Variants in TSBP1 observed in about 807,000 individuals in gnomAD.
The protein encoded by TSBP1 is testis-expressed basic protein 1.
In TSBP1, 56 loss-of-function variants were observed where a neutral mutation model predicts 68.8. That is an observed-to-expected ratio of 0.81 (90% CI 0.66 to 1.02). The LOEUF (loss-of-function observed/expected upper bound fraction) is 1.02, where lower values mean the gene tolerates loss of function less well. Among genes scored for constraint, TSBP1 ranks in the 50% least tolerant of loss-of-function variants. The probability of loss-of-function intolerance (pLI) is 0.00; values close to 1 mark genes in which losing one functional copy is unlikely to be tolerated. For missense variants in TSBP1, 502 were observed against 641.2 expected (o/e 0.78, Z 2.34); for synonymous variants, 171 against 208.7 (o/e 0.82, Z 1.56).
At chr6:32,323,976 C>A (rs1767930042) in intron 16 of TSBP1, 1 of 255,816 alleles carries the variant, frequency 3.9e-6, no homozygotes, top group Non-Finnish European at 7.5e-6. Context: ...TCTCCTTTTT[C>A]TTTCCCCATT....
chr6:32,324,176 GTTAT>G (rs1767954597), intron 16 of TSBP1, among the ~76,000 whole-genome samples: 2 of 152,220 alleles, frequency 1.3e-5, no homozygotes, highest in East Asian at 3.9e-4. Flanking sequence ...ACTTAAAGTT[GTTAT>G]TTAAAGTTTA....
Position 32,368,793 on chromosome 6 carries a change from C to T in TSBP1, c.122G>A (p.Ser41Asn), listed in dbSNP as rs140156094. ...GTATAAGTACTTACTTTGTTCTGAA[C>T]TGTATCTGGAGATATACATTTCTGT... The change falls in exon 3 of 23, where the codon AGT becomes AAT. Residue 41 changes from serine to asparagine, a missense_variant. Physicochemically the swap from Ser to Asn is conservative, Grantham distance 46. Coordinates refer to ENST00000612031, the Ensembl canonical transcript of TSBP1. 1.9e-6 allele frequency: 3 copies of T among 1,585,966 alleles called. No individual in the cohort carries two copies. In the South Asian group the frequency reaches 3.4e-5, roughly 18 times the overall value.
intron 6 of TSBP1, among the ~76,000 whole-genome samples, chr6:32,356,486 G>A (rs960712768): frequency 9.9e-5 from 15 of 152,112 alleles, no homozygotes; most frequent in African/African-American, 3.4e-4. Flanking sequence ...TTGGGAGGCC[G>A]AAGTGGGTGT....
At chr6:32,354,649 T>C (rs1167008903) in intron 8 of TSBP1, among the ~76,000 whole-genome samples, 3 of 152,072 alleles carry the variant, frequency 2.0e-5, no homozygotes, top group Non-Finnish European at 4.4e-5. Context: ...ATAGCAGAAA[T>C]TGGAAATATT....
chr6:32,370,405 C>CTGTGTGTGTGTA (rs147644176), intron 1 of TSBP1, among the ~76,000 whole-genome samples: 1 of 81,044 alleles, frequency 1.2e-5, no homozygotes, highest in Non-Finnish European at 2.3e-5. Flanking sequence ...GCAAGATTTT[C>CTGTGTGTGTGTA]TGTATATATA....
At chr6:32,349,195 C>CTTTT (rs9279592) in intron 9 of TSBP1, among the ~76,000 whole-genome samples, 15 of 134,408 alleles carry the variant, frequency 1.1e-4, no homozygotes, top group Non-Finnish European at 1.6e-4. Context: ...CCATTTCTTT[C>CTTTT]TTTTTTTTTT....
At chr6:32,370,772 G>C (rs1269990577) in intron 1 of TSBP1, among the ~76,000 whole-genome samples, 1 of 151,652 alleles carries the variant, frequency 6.6e-6, no homozygotes, top group East Asian at 1.9e-4. Context: ...GAGTCTTGCA[G>C]TCATAGGAGA....
chr6:32,339,839 C>T (rs532423602), intron 9 of TSBP1, among the ~76,000 whole-genome samples: 1 of 152,284 alleles, frequency 6.6e-6, no homozygotes, highest in Non-Finnish European at 1.5e-5. Flanking sequence ...TTAATTTCCT[C>T]ATCTCTAAAA....
At chr6:32,305,582 A>T (rs1192081218) in intron 19 of TSBP1, among the ~76,000 whole-genome samples, 1 of 152,220 alleles carries the variant, frequency 6.6e-6, no homozygotes, top group African/African-American at 2.4e-5. Flanking sequence ...TTATTGGGCC[A>T]TGAAGAAAAG....
chr6:32,354,972 T>C (rs892437035), intron 8 of TSBP1, 152 bp downstream of exon 8: 2 of 546,394 alleles, frequency 3.7e-6, no homozygotes, highest in African/African-American at 3.9e-5. Context: ...ACAAGAATAT[T>C]ATCAATTTGT....
At chr6:32,293,471 CTCT>C in exon 23 of TSBP1, 1 of 1,611,886 alleles carries the variant, frequency 6.2e-7, no homozygotes. Context: ...AACTGACTCC[CTCT>C]TCTTTACCTG....
At chr6:32,339,779 G>T in intron 9 of TSBP1, 141 bp from the exon 11 acceptor site, 2 of 491,538 alleles carry the variant, frequency 4.1e-6, no homozygotes, top group Non-Finnish European at 7.6e-6. Flanking sequence ...TCCGACTTTT[G>T]CTATTCTCTA....
At position 32,335,447 on chromosome 6, in the gene TSBP1, T is replaced by C; in HGVS notation, c.462A>G (p.Gln154=). The change falls in exon 14 of 23, where the codon CAA becomes CAG. Residue 154 remains glutamine (Q), a synonymous_variant. Coordinates refer to ENST00000612031, the Ensembl canonical transcript of TSBP1. The surrounding 1 kb of genome is among the most constrained non-coding windows in gnomAD (Gnocchi z 5.5). ...AATCAGATGACTTACCAATGGTTTT[T>C]TGAGAGAGCTCTAAAAAAAAAAGAG... 2 of 1,502,630 alleles carry C rather than the reference T, an allele frequency of 1.3e-6. No individual in the cohort carries two copies. Among genetic ancestry groups the C allele is most frequent in the African/African-American group, 2.9e-5 (2 of 68,866 alleles). 93.1% of individuals were successfully genotyped at this position (1,502,630 alleles called of 1,614,324 possible).
At position 32,343,921 on chromosome 6, in the gene TSBP1, A is replaced by AGAGGCTAAATTCACAAACTAAAGCCC. The variant is rs1770659541; in HGVS notation, c.350-4284_350-4283insGGGCTTTAGTTTGTGAATTTAGCCTC. 6.6e-6 allele frequency among the ~76,000 whole-genome samples: 1 copy of AGAGGCTAAATTCACAAACTAAAGCCC among 152,058 alleles called. No individual in the cohort carries two copies. Among genetic ancestry groups the AGAGGCTAAATTCACAAACTAAAGCCC allele is most frequent in the African/African-American group, 2.4e-5 (1 of 41,332 alleles). On this transcript the variant is annotated intron_variant, in intron 9 of 22. Coordinates refer to ENST00000612031, the Ensembl canonical transcript of TSBP1. This position sits in a 1 kb window ranked among gnomAD's most constrained non-coding sequence, Gnocchi z 4.3. ...TAGGGCAAGACTTGTAGAAGGTTTA[A>AGAGGCTAAATTCACAAACTAAAGCCC]TGATATTAACTTTGATAGTAATTTG...
At chr6:32,369,327 G>A (rs1774119979) in intron 2 of TSBP1, among the ~76,000 whole-genome samples, 1 of 143,868 alleles carries the variant, frequency 7.0e-6, no homozygotes, top group Admixed American at 7.1e-5. Context: ...TGGAGCTCAG[G>A]TAATTTTCTT....
intron 20 of TSBP1, 27 bp from the exon 24 acceptor site, chr6:32,300,727 A>G: frequency 6.2e-7 from 1 of 1,604,992 alleles, no homozygotes; most frequent in Non-Finnish European, 8.5e-7. Flanking sequence ...CAAACACATC[A>G]GTAGGTACTG....
chr6:32,317,055 G>A (rs1767035214), intron 18 of TSBP1, among the ~76,000 whole-genome samples: 1 of 152,102 alleles, frequency 6.6e-6, no homozygotes, highest in African/African-American at 2.4e-5. Context: ...AGAAAATTAT[G>A]GTATGCTACC....
At chr6:32,312,795 A>G (rs1269356427) in intron 19 of TSBP1, among the ~76,000 whole-genome samples, 2 of 151,216 alleles carry the variant, frequency 1.3e-5, no homozygotes, top group Non-Finnish European at 3.0e-5. Context: ...CCCAAAATAA[A>G]TAAAATCTGA....
chr6:32,324,783 AT>A (rs11383449), intron 16 of TSBP1: 561,460 of 1,268,702 alleles, frequency 0.44, 101,430 homozygotes, highest in Middle Eastern at 0.59. Flanking sequence ...TTGCTTGAAC[AT>A]TTTTTTTTTT....
Sources: allele counts gnomAD v4.1 joint callset (sites outside exome capture counted in the v4.1 genomes callset), GRCh38; gene constraint gnomAD v4.1.1; non-coding constraint Gnocchi (gnomAD v3.1); transcripts MANE v1.5; gene names NCBI Gene and HGNC (gene_info 2026-07-23, HGNC 2026-07-21).